TSBP1: variants seen among roughly 807,000 people sequenced by gnomAD.
TSBP1 encodes testis expressed basic protein 1.
In TSBP1, 56 loss-of-function variants were observed where a neutral mutation model predicts 68.8. The observed-to-expected ratio is 0.81, with a 90% CI of 0.66 to 1.02. The LOEUF is 1.02. TSBP1 is among the 50% of genes least tolerant of loss of function. The pLI, the probability that TSBP1 is intolerant of heterozygous loss-of-function variation, is 0.00. For synonymous variants in TSBP1, 171 were observed against 208.7 expected (o/e 0.82, Z 1.56); for missense variants, 502 against 641.2 (o/e 0.78, Z 2.34).
rs754315276 is a variant in TSBP1, at chr6:32,304,169, A to G, written c.581-1540T>C. Among the ~76,000 whole-genome samples the G allele has an allele frequency of 4.2e-4, 64 of 151,662 alleles. No homozygotes were observed. Among genetic ancestry groups the G allele is most frequent in the Admixed American group, 5.9e-4 (9 of 15,264 alleles). On this transcript the variant is annotated intron_variant, in intron 19 of 22. Coordinates refer to ENST00000612031, the Ensembl canonical transcript of TSBP1. This position sits in a 1 kb window ranked among gnomAD's most constrained non-coding sequence, Gnocchi z 4.8. ...AGAAGAAAGAAAGAAAGGAAGGAAG[A>G]AGAAAGAACGAGCGAATGAACAAAA...
chr6:32,358,553 A>G (rs1772603972), intron 6 of TSBP1, among the ~76,000 whole-genome samples: 1 of 151,842 alleles, frequency 6.6e-6, no homozygotes, highest in Non-Finnish European at 1.5e-5. Context: ...TCCTAATGCT[A>G]TCCCTCCCCG....
chr6:32,334,154 G>A (rs766127187), intron 14 of TSBP1, among the ~76,000 whole-genome samples: 2 of 151,730 alleles, frequency 1.3e-5, no homozygotes, highest in African/African-American at 4.8e-5. Flanking sequence ...GTGACTTTTT[G>A]TACCTTTATT....
rs555782297 is a variant in TSBP1, at chr6:32,365,455, G to A, written c.217+712C>T. 7.3e-4 allele frequency: 333 copies of A among 456,896 alleles called. 1 individual carries two copies. The highest frequency in any genetic ancestry group is 1.2e-3 in the African/African-American group (61 of 50,198). 28.3% of individuals were successfully genotyped at this position (456,896 alleles called of 1,614,324 possible). A position where few individuals can be genotyped will look rare whatever the true frequency, so the allele number is the denominator to read the frequency against. ...CAGTAGTGCAAGGAGCATAGGTCACGCATCTCAAATGGCAGGCTTTCTGAT... is the reference window on the plus strand; with the variant it reads ...CAGTAGTGCAAGGAGCATAGGTCACACATCTCAAATGGCAGGCTTTCTGAT... On this transcript the variant is annotated intron_variant, in intron 6 of 22. Coordinates refer to ENST00000612031, the Ensembl canonical transcript of TSBP1. This position sits in a 1 kb window ranked among gnomAD's most constrained non-coding sequence, Gnocchi z 4.3.
At position 32,304,867 on chromosome 6, in the gene TSBP1, G is replaced by A. The variant is rs1331356225; in HGVS notation, c.581-2238C>T. On this transcript the variant is annotated intron_variant, in intron 19 of 22. Coordinates refer to ENST00000612031, the Ensembl canonical transcript of TSBP1. This position sits in a 1 kb window ranked among gnomAD's most constrained non-coding sequence, Gnocchi z 4.8. ...GTTAGTAATACTTATTTTAAGTTTT[G>A]CTTCTTTTACTTTTTTTCCTATTTC... 1.3e-5 allele frequency among the ~76,000 whole-genome samples: 2 copies of A among 151,832 alleles called. No individual in the cohort carries two copies. The highest frequency in any genetic ancestry group is 4.2e-4 in the South Asian group (2 of 4,810).
At chr6:32,349,440 C>A in intron 9 of TSBP1, 1 of 294,238 alleles carries the variant, frequency 3.4e-6, no homozygotes, top group South Asian at 6.0e-5. Flanking sequence ...ATATTATCTT[C>A]ATCCTCATCT....
intron 9 of TSBP1, among the ~76,000 whole-genome samples, chr6:32,342,118 G>T: frequency 6.8e-6 from 1 of 146,518 alleles, no homozygotes; most frequent in Middle Eastern, 3.6e-3. Flanking sequence ...TACCTCTTTG[G>T]TTTTCCTCCC....
intron 19 of TSBP1, among the ~76,000 whole-genome samples, chr6:32,313,338 T>G (rs1314260356): frequency 1.3e-5 from 2 of 152,270 alleles, no homozygotes; most frequent in Non-Finnish European, 2.9e-5. Flanking sequence ...GACTTTGTCT[T>G]GCTCATGGCT....
intron 9 of TSBP1, among the ~76,000 whole-genome samples, chr6:32,341,613 A>G (rs1294532041): frequency 1.3e-5 from 2 of 152,304 alleles, no homozygotes; most frequent in Admixed American, 6.5e-5. Context: ...AGCACCATCT[A>G]TACTTCAACA....
At chr6:32,332,601 T>G (rs548002582) in intron 14 of TSBP1, among the ~76,000 whole-genome samples, 12 of 150,004 alleles carry the variant, frequency 8.0e-5, no homozygotes, top group South Asian at 6.4e-4. Context: ...CTTCTGTTTT[T>G]TTTTGTTTTG....
intron 19 of TSBP1, among the ~76,000 whole-genome samples, chr6:32,310,092 T>C (rs1437553951): frequency 6.6e-6 from 1 of 152,226 alleles, no homozygotes; most frequent in East Asian, 1.9e-4. Context: ...CATTCTTGTT[T>C]GGATTTCATT....
intron 8 of TSBP1, among the ~76,000 whole-genome samples, chr6:32,351,869 T>G (rs1488085500): frequency 6.6e-6 from 1 of 151,984 alleles, no homozygotes; most frequent in East Asian, 1.9e-4. Context: ...AGCACAAAAA[T>G]AAAGAGAATC....
In TSBP1 at chr6:32,333,847, A is replaced by T. The variant is rs2127602173; in HGVS notation, c.472+1590T>A. The T allele has an allele frequency of 6.3e-6, 1 of 158,914 alleles. No homozygotes were observed. Among genetic ancestry groups the T allele is most frequent in the Non-Finnish European group, 1.4e-5 (1 of 70,618 alleles). 9.8% of individuals were successfully genotyped at this position (158,914 alleles called of 1,614,324 possible). A position where few individuals can be genotyped will look rare whatever the true frequency, so the allele number is the denominator to read the frequency against. The stretch of plus-strand genomic sequence containing the variant: ...AGAAATATCCACATTTTGATCAATA[A>T]TCCTCGAACTTTTAACTCTGAATTT... On this transcript the variant is annotated intron_variant, in intron 14 of 22. Coordinates refer to ENST00000612031, the Ensembl canonical transcript of TSBP1. The surrounding 1 kb of genome is among the most constrained non-coding windows in gnomAD (Gnocchi z 4.2).
Position 32,336,498 on chromosome 6 carries a change from C to A in TSBP1, c.430+117G>T. 1.2e-6 allele frequency: 1 copy of A among 865,790 alleles called. No homozygotes were observed. The allele number at this position is 865,790 out of a possible 1,614,324, so 53.6% of individuals were successfully genotyped here. On this transcript the variant is annotated intron_variant, in intron 12 of 22. Transcript: ENST00000612031. This position sits in a 1 kb window ranked among gnomAD's most constrained non-coding sequence, Gnocchi z 5.2. ...CATTAGCAAACCTGCATATGCACCA[C>A]CGGAATCTAAAATAAAAGTTGAAAT...
intron 4 of TSBP1, 46 bp from the exon 5 acceptor site, chr6:32,366,348 G>T (rs1490060130): frequency 4.6e-6 from 7 of 1,516,416 alleles, no homozygotes; most frequent in Non-Finnish European, 6.4e-6. Context: ...TTCAACAAGT[G>T]AGTCTATATT....
At position 32,336,734 on chromosome 6, in the gene TSBP1, G is replaced by T; in HGVS notation, c.410-99C>A. On this transcript the variant is annotated intron_variant, in intron 11 of 22. Coordinates refer to ENST00000612031, the Ensembl canonical transcript of TSBP1. This position sits in a 1 kb window ranked among gnomAD's most constrained non-coding sequence, Gnocchi z 5.2. ...AAACTATGAAGCAATTCAACCAGAGGAGAACAACTACTGTGGGACTGCAGA... is the reference window on the plus strand; with the variant it reads ...AAACTATGAAGCAATTCAACCAGAGTAGAACAACTACTGTGGGACTGCAGA... The T allele has an allele frequency of 9.4e-7, 1 of 1,062,442 alleles. No homozygotes were observed. The highest frequency in any genetic ancestry group is 1.4e-6 in the Non-Finnish European group (1 of 694,520). 65.8% of individuals were successfully genotyped at this position (1,062,442 alleles called of 1,614,324 possible).
intron 8 of TSBP1, 57 bp downstream of exon 8, chr6:32,355,067 A>G (rs895024159): frequency 1.4e-5 from 21 of 1,498,230 alleles, no homozygotes; most frequent in Non-Finnish European, 1.7e-5. Context: ...ATACAGAAAA[A>G]ATAGGGCTTG....
chr6:32,365,821 C>A lies in TSBP1; in HGVS notation c.217+346G>T. The stretch of plus-strand genomic sequence containing the variant: ...AGCGTGCTGGAACTTCTCTGCTGGA[C>A]TCCTGGACTCCCACAATGGTATTGT... On this transcript the variant is annotated intron_variant, in intron 6 of 22. Coordinates refer to ENST00000612031, the Ensembl canonical transcript of TSBP1. The surrounding 1 kb of genome is among the most constrained non-coding windows in gnomAD (Gnocchi z 4.3). 2 of 428,488 alleles carry A rather than the reference C, an allele frequency of 4.7e-6. No individual in the cohort carries two copies. The highest frequency in any genetic ancestry group is 1.8e-5 in the South Asian group (1 of 56,216). 26.5% of individuals were successfully genotyped at this position (428,488 alleles called of 1,614,324 possible). A position where few individuals can be genotyped will look rare whatever the true frequency, so the allele number is the denominator to read the frequency against.
chr6:32,355,823 T>C (rs182244487), intron 6 of TSBP1, 154 bp from the exon 7 acceptor site: 1 of 919,158 alleles, frequency 1.1e-6, no homozygotes, highest in African/African-American at 1.7e-5. Context: ...ATTTATAAGT[T>C]TAATGACATT....
chr6:32,323,196 G>C, intron 17 of TSBP1, 59 bp from the exon 19 acceptor site: 1 of 1,174,742 alleles, frequency 8.5e-7, no homozygotes, highest in Non-Finnish European at 1.3e-6. Flanking sequence ...GTTCCCTCTA[G>C]GGAGGTATAT....
Sources: allele counts gnomAD v4.1 joint callset (sites outside exome capture counted in the v4.1 genomes callset), GRCh38; gene constraint gnomAD v4.1.1; non-coding constraint Gnocchi (gnomAD v3.1); transcripts MANE v1.5; gene names NCBI Gene and HGNC (gene_info 2026-07-23, HGNC 2026-07-21).